Variants in GAPVD1 observed in about 807,000 individuals in gnomAD.
GAPVD1 encodes the protein GTPase-activating protein and VPS9 domain-containing protein 1.
A neutral mutation model predicts 155.5 loss-of-function variants in GAPVD1; 35 were observed. That is an observed-to-expected ratio of 0.23 (90% confidence interval 0.17 to 0.30). The LOEUF (loss-of-function observed/expected upper bound fraction) is 0.30. GAPVD1 is among the 10% of genes least tolerant of loss of function. GAPVD1 has a pLI of 1.00. For synonymous variants in GAPVD1, 636 were observed against 619.7 expected, an observed-to-expected ratio of 1.03 and a Z score of -0.39; for missense variants, 1,429 against 1,775.7, an observed-to-expected ratio of 0.80 and a Z score of 3.51.
rs1453092371 is a variant in GAPVD1 at position 125,333,557 on chromosome 9, C to T, written c.2428+928C>T. Among the ~76,000 whole-genome samples the T allele has an allele frequency of 2.8e-5, 4 of 145,300 alleles. No individual in the cohort carries two copies. The East Asian group carries it at 6.2e-4, about 22-fold the overall frequency. ...AGGCTGGAGTGCAATGGCGCAATCT[C>T]GGCTCACCACAACCTCTGTCTCCCA... is the stretch of plus-strand genomic sequence containing the variant. On this transcript the variant is annotated intron_variant, in intron 15 of 27. Coordinates refer to ENST00000297933, the MANE Select transcript of GAPVD1 (RefSeq NM_001282680.3).
intron 17 of GAPVD1, among the ~76,000 whole-genome samples, chr9:125,340,299 G>A (rs1396127874): frequency 1.3e-5 from 2 of 152,178 alleles, no homozygotes; most frequent in East Asian, 3.9e-4. Context: ...GGGATTACAG[G>A]CGTGAGCCAC....
At chr9:125,309,539 T>C (rs915979347) in intron 8 of GAPVD1, among the ~76,000 whole-genome samples, 1 of 152,192 alleles carries the variant, frequency 6.6e-6, no homozygotes, top group African/African-American at 2.4e-5. Context: ...TTTGCCATGT[T>C]GGCCAGGCTG....
At chr9:125,294,406 G>A (rs1464366199) in intron 2 of GAPVD1, among the ~76,000 whole-genome samples, 6 of 148,282 alleles carry the variant, frequency 4.0e-5, no homozygotes, top group East Asian at 4.0e-4. Context: ...GGAGTGCAGC[G>A]CGTGATCTCG....
chr9:125,311,265 A>T lies in GAPVD1; in HGVS notation c.1442-1187A>T, dbSNP rs116071093. Among the ~76,000 whole-genome samples, 1,452 of 151,918 alleles carry T rather than the reference A, an allele frequency of 9.6e-3. 27 individuals are homozygous for T. Among genetic ancestry groups the T allele is most frequent in the African/African-American group, 0.033 (1,378 of 41,570 alleles). On this transcript the variant is annotated intron_variant, in intron 8 of 27. Coordinates refer to ENST00000297933, the MANE Select transcript of GAPVD1 (RefSeq NM_001282680.3). ...AGGACCTCTTCTCCAAACATAAATA[A>T]ATTTTCTCTCTTTTATCTTTGAAAA...
chr9:125,329,316 G>A (rs1722492869), intron 12 of GAPVD1, among the ~76,000 whole-genome samples: 1 of 152,114 alleles, frequency 6.6e-6, no homozygotes, highest in Non-Finnish European at 1.5e-5. Context: ...CTAATATGCT[G>A]GAAGAAAAAA....
At chr9:125,326,086 A>G (rs1226506799) in intron 11 of GAPVD1, among the ~76,000 whole-genome samples, 1 of 152,234 alleles carries the variant, frequency 6.6e-6, no homozygotes, top group Non-Finnish European at 1.5e-5. Flanking sequence ...TCAGTTATCC[A>G]CTGGAGGCCA....
At chr9:125,289,452 T>C (rs1162904306) in intron 2 of GAPVD1, among the ~76,000 whole-genome samples, 1 of 152,156 alleles carries the variant, frequency 6.6e-6, no homozygotes, top group African/African-American at 2.4e-5. Flanking sequence ...AGATAGATTC[T>C]GGATGTGTTT....
intron 2 of GAPVD1, among the ~76,000 whole-genome samples, chr9:125,269,552 C>T (rs1216864933): frequency 5.3e-5 from 8 of 149,732 alleles, no homozygotes; most frequent in South Asian, 4.2e-4. Flanking sequence ...TGCAGCCTCC[C>T]GAGTAGCTGG....
intron 1 of GAPVD1, among the ~76,000 whole-genome samples, chr9:125,266,459 G>A (rs1055750156): frequency 3.3e-5 from 5 of 151,576 alleles, no homozygotes; most frequent in African/African-American, 7.3e-5. Flanking sequence ...GACTACAGGC[G>A]CCCGCCACCA....
rs1175810085 is a variant in GAPVD1, at chr9:125,300,023, G to GAAAAAAAAAAA, written c.185+923_185+933dup. Among the ~76,000 whole-genome samples the GAAAAAAAAAAA allele has an allele frequency of 3.0e-3, 2 of 666 alleles. 1 individual carries two copies. The highest frequency in any genetic ancestry group is 4.4e-3 in the African/African-American group (2 of 452). The allele number at this position is 666 out of a possible 152,430, so 0.4% of individuals were successfully genotyped here. ...GACAGAGTGAGACTCTGTCTCAAAA[G>GAAAAAAAAAAA]AAAAAAAAAAAAAAAATATATATAT... On this transcript the variant is annotated intron_variant, in intron 4 of 27. Coordinates refer to ENST00000297933, the MANE Select transcript of GAPVD1 (RefSeq NM_001282680.3).
Position 125,337,450 on chromosome 9 carries a change from C to T in GAPVD1, c.2736C>T (p.Pro912=), listed in dbSNP as rs1385786956. The change falls in exon 17 of 28, where the codon CCC becomes CCT. Residue 912 remains proline, a synonymous_variant. Transcript: ENST00000297933. ...SSDIVSSVRR[P]MSDPSWNRRP... ...ATATAGTATCTTCTGTCCGGAGACC[C>T]ATGAGTGACCCCAGCTGGAACCGGC... 6.2e-7 allele frequency: 1 copy of T among 1,614,198 alleles called. No individual in the cohort carries two copies. The highest frequency in any genetic ancestry group is 1.1e-5 in the South Asian group (1 of 91,084).
chr9:125,323,468 G>A (rs1173805888), intron 10 of GAPVD1, among the ~76,000 whole-genome samples: 1 of 152,040 alleles, frequency 6.6e-6, no homozygotes, highest in African/African-American at 2.4e-5. Context: ...ACCACGCCTG[G>A]CTAAATTTTT....
chr9:125,265,792 C>T (rs541527918), intron 1 of GAPVD1, among the ~76,000 whole-genome samples: 16 of 147,180 alleles, frequency 1.1e-4, no homozygotes, highest in East Asian at 4.1e-4. Context: ...ACTGGCCAGG[C>T]GTGGTAGCTC....
chr9:125,338,929 T>TTGTGTGTATG (rs1847427782), intron 17 of GAPVD1, among the ~76,000 whole-genome samples: 1 of 146,622 alleles, frequency 6.8e-6, no homozygotes, highest in African/African-American at 2.5e-5. Context: ...TTAAAAAAAT[T>TTGTGTGTATG]TGTGTGTGTG....
chr9:125,263,990 T>A lies in GAPVD1; in HGVS notation c.-199+2031T>A, dbSNP rs1410182460. On this transcript the variant is annotated intron_variant, in intron 1 of 27. Coordinates refer to ENST00000297933, the MANE Select transcript of GAPVD1 (RefSeq NM_001282680.3). ...CTTCATGACATGAAGGTTGGGCACG[T>A]TCTTGTCTGCCAGCTCTGGGTGCTT... 5 of 1,366,938 alleles carry A rather than the reference T, an allele frequency of 3.7e-6. No homozygotes were observed. In the East Asian group the frequency reaches 6.9e-5, roughly 19 times the overall value. The allele number at this position is 1,366,938 out of a possible 1,614,324, so 84.7% of individuals were successfully genotyped here. A position where few individuals can be genotyped will look rare whatever the true frequency, so the allele number is the denominator to read the frequency against.
At chr9:125,285,987 C>T (rs1215577637) in intron 2 of GAPVD1, among the ~76,000 whole-genome samples, 2 of 151,352 alleles carry the variant, frequency 1.3e-5, no homozygotes, top group Non-Finnish European at 2.9e-5. Flanking sequence ...TTCGTGTTCT[C>T]TGTAGAGACA....
At chr9:125,290,045 A>G (rs958442992) in intron 2 of GAPVD1, among the ~76,000 whole-genome samples, 2 of 152,114 alleles carry the variant, frequency 1.3e-5, no homozygotes, top group African/African-American at 4.8e-5. Context: ...TTAGGTCAGG[A>G]AGAGGAGGAA....
At chr9:125,353,593 CAAAA>C (rs1849612869) in intron 23 of GAPVD1, among the ~76,000 whole-genome samples, 1 of 152,164 alleles carries the variant, frequency 6.6e-6, no homozygotes, top group Non-Finnish European at 1.5e-5. Context: ...GGCAATTTAA[CAAAA>C]GAAAGAGGTT....
intron 18 of GAPVD1, 197 bp downstream of exon 18, chr9:125,341,461 G>A: frequency 2.1e-6 from 1 of 474,440 alleles, no homozygotes; most frequent in Non-Finnish European, 3.7e-6. Context: ...TTCTTTGCAG[G>A]AAGTGATAGT....
Sources: allele counts gnomAD v4.1 joint callset (sites outside exome capture counted in the v4.1 genomes callset), GRCh38; gene constraint gnomAD v4.1.1; transcripts MANE v1.5; gene names NCBI Gene and HGNC (gene_info 2026-07-23, HGNC 2026-07-21).